The following CAMK2D variants were observed in gnomAD, a reference collection of about 807,000 sequenced individuals.
CAMK2D encodes the protein calcium/calmodulin-dependent protein kinase type II subunit delta.
In CAMK2D, 37 loss-of-function variants were observed where a neutral mutation model predicts 84.0. That is an observed-to-expected ratio of 0.44 (90% CI 0.34 to 0.58). CAMK2D has a LOEUF of 0.58. CAMK2D is among the 20% of genes least tolerant of loss of function. The pLI, the probability that CAMK2D is intolerant of heterozygous loss-of-function variation, is 0.02. For synonymous variants in CAMK2D, 202 were observed against 212.5 expected, an observed-to-expected ratio of 0.95 and a Z score of 0.43; for missense variants, 448 against 652.5, an observed-to-expected ratio of 0.69 and a Z score of 3.41.
At chr4:113,455,908 G>T in intron 19 of CAMK2D, 87 bp from the exon 20 acceptor site, 1 of 788,148 alleles carries the variant, frequency 1.3e-6, no homozygotes. Context: ...TCAGGGAACT[G>T]CAAAAAAACC....
At chr4:113,508,219 G>A (rs1001106232) in intron 13 of CAMK2D, 1 of 1,528,010 alleles carries the variant, frequency 6.5e-7, no homozygotes, top group Non-Finnish European at 8.9e-7. Context: ...GGAGAAATCT[G>A]GCAGATAGAT....
intron 4 of CAMK2D, among the ~76,000 whole-genome samples, chr4:113,603,294 G>A (rs1252817117): frequency 2.6e-5 from 4 of 151,472 alleles, no homozygotes; most frequent in African/African-American, 9.7e-5. Flanking sequence ...CATGTGCCAT[G>A]TTGGTGTGCT....
intron 4 of CAMK2D, 35 bp downstream of exon 4, chr4:113,609,117 A>T: frequency 8.4e-7 from 1 of 1,191,902 alleles, no homozygotes; most frequent in Middle Eastern, 1.9e-4. Flanking sequence ...CCTCAATTAG[A>T]TTGCAAAAAT....
chr4:113,527,578 A>G (rs1590756345), intron 8 of CAMK2D, among the ~76,000 whole-genome samples: 1 of 152,236 alleles, frequency 6.6e-6, no homozygotes, highest in Non-Finnish European at 1.5e-5. Flanking sequence ...TAAACCCATA[A>G]TATCTCTGAG....
chr4:113,497,368 C>T (rs1378465057), intron 16 of CAMK2D, among the ~76,000 whole-genome samples: 2 of 152,136 alleles, frequency 1.3e-5, no homozygotes, highest in South Asian at 2.1e-4. Context: ...ACAGCCTAGA[C>T]ACAATTCAAA....
chr4:113,716,445 T>A (rs1183729916), intron 2 of CAMK2D, among the ~76,000 whole-genome samples: 3 of 151,420 alleles, frequency 2.0e-5, no homozygotes, highest in Non-Finnish European at 4.4e-5. Flanking sequence ...AGGTCAGGAG[T>A]TTGAGACCAG....
chr4:113,616,875 G>C (rs1266301059), intron 3 of CAMK2D, among the ~76,000 whole-genome samples: 17 of 152,026 alleles, frequency 1.1e-4, no homozygotes, highest in Admixed American at 1.1e-3. Flanking sequence ...AATAATTTGA[G>C]ATTATCCTGT....
rs17676882 is a variant in CAMK2D at position 113,451,912 on chromosome 4, G to A, written c.*2633C>T. The A allele has an allele frequency of 0.23, 35,115 of 151,984 alleles. 5,051 individuals are homozygous for A. Among genetic ancestry groups the A allele is most frequent in the East Asian group, 0.46 (2,375 of 5,136 alleles). The allele number at this position is 151,984 out of a possible 1,614,324, so 9.4% of individuals were successfully genotyped here. A position where few individuals can be genotyped will look rare whatever the true frequency, so the allele number is the denominator to read the frequency against. On this transcript the variant is annotated 3_prime_UTR_variant, in exon 21 of 21. Transcript: ENST00000511664. The stretch of plus-strand genomic sequence containing the variant: ...GAATCTTAGGAAAAAGTAAGAAGTC[G>A]GGAAAAGAAGTAGGGGAAGAGACTA...
intron 2 of CAMK2D, among the ~76,000 whole-genome samples, chr4:113,675,745 G>T (rs1370549969): frequency 6.6e-6 from 1 of 151,990 alleles, no homozygotes; most frequent in African/African-American, 2.4e-5. Context: ...CATAAAATTT[G>T]CACATGTGCA....
intron 2 of CAMK2D, among the ~76,000 whole-genome samples, chr4:113,689,654 G>C (rs943205201): frequency 2.0e-5 from 3 of 152,026 alleles, no homozygotes; most frequent in African/African-American, 7.2e-5. Flanking sequence ...TCCACGGGTA[G>C]CTTGCTCAAA....
intron 2 of CAMK2D, among the ~76,000 whole-genome samples, chr4:113,710,118 G>T (rs1444772652): frequency 1.3e-5 from 2 of 151,714 alleles, no homozygotes; most frequent in Non-Finnish European, 1.5e-5. Context: ...TAAAAACTAG[G>T]GTATTTTGAC....
intron 5 of CAMK2D, among the ~76,000 whole-genome samples, chr4:113,550,219 G>A (rs138195426): frequency 0.016 from 2,421 of 152,166 alleles, 32 homozygotes; most frequent in Middle Eastern, 0.031. Flanking sequence ...TCACTCTGTC[G>A]CCCAGGCTGG....
chr4:113,589,619 A>G (rs1295139792), intron 4 of CAMK2D, among the ~76,000 whole-genome samples: 2 of 152,174 alleles, frequency 1.3e-5, no homozygotes, highest in Non-Finnish European at 2.9e-5. Context: ...AGTTGCCACT[A>G]AGAGGAGTAA....
chr4:113,507,978 C>T (rs1348793931), intron 13 of CAMK2D, among the ~76,000 whole-genome samples: 1 of 152,008 alleles, frequency 6.6e-6, no homozygotes, highest in African/African-American at 2.4e-5. Flanking sequence ...CTGTCATGGT[C>T]TTTTTATTTT....
chr4:113,625,533 C>T (rs10000775), intron 3 of CAMK2D, among the ~76,000 whole-genome samples: 89,315 of 151,844 alleles, frequency 0.59, 27,932 homozygotes, highest in East Asian at 0.82. Context: ...TCAGGGAAGA[C>T]CATATGGAAG....
At chr4:113,615,976 A>G (rs914774032) in intron 3 of CAMK2D, among the ~76,000 whole-genome samples, 6 of 152,130 alleles carry the variant, frequency 3.9e-5, no homozygotes, top group African/African-American at 1.4e-4. Context: ...AAAACTATTT[A>G]GCAATATGCC....
In CAMK2D at chr4:113,625,928, C is replaced by T. The variant is rs574880207; in HGVS notation, c.221-16722G>A. Reference sequence around the variant, plus strand: ...ACTCTAGAGGCTAAGGTGGGAGAATCGCTTGAACCCAGGAGGTGGAGGTTG... The same window carrying T: ...ACTCTAGAGGCTAAGGTGGGAGAATTGCTTGAACCCAGGAGGTGGAGGTTG... On this transcript the variant is annotated intron_variant, in intron 3 of 20. Transcript: ENST00000511664. Among the ~76,000 whole-genome samples the T allele has an allele frequency of 2.0e-4, 30 of 151,814 alleles. 1 individual carries two copies. The South Asian group carries it at 5.8e-3, about 29-fold the overall frequency.
At chr4:113,513,634 T>C (rs1478439098) in intron 11 of CAMK2D, among the ~76,000 whole-genome samples, 196 bp downstream of exon 11, 2 of 152,198 alleles carry the variant, frequency 1.3e-5, no homozygotes, top group Admixed American at 6.5e-5. Flanking sequence ...CAGCATGTGT[T>C]GCCAGGATGA....
intron 6 of CAMK2D, among the ~76,000 whole-genome samples, chr4:113,543,941 G>A (rs145307637): frequency 8.6e-5 from 13 of 152,004 alleles, no homozygotes; most frequent in South Asian, 2.1e-4. Context: ...ATAGGCGCCC[G>A]CCACCACGCC....
Sources: gnomAD v4.1 joint callset for allele counts (sites outside exome capture counted in the v4.1 genomes callset) on GRCh38, gnomAD v4.1.1 for gene constraint, MANE v1.5 for transcripts, NCBI Gene and HGNC (gene_info 2026-07-23, HGNC 2026-07-21) for gene names.